The following MROH1 variants were observed in gnomAD, a reference collection of about 807,000 sequenced individuals.
The protein encoded by MROH1 is maestro heat like repeat family member 1.
MROH1 carries 117 observed loss-of-function variants against 116.5 expected under a neutral mutation model. The ratio of observed to expected loss-of-function variants is 1.00; its 90% CI spans 0.86 to 1.17. The LOEUF is 1.17. Among genes scored for constraint, MROH1 ranks in the 50% most tolerant of loss-of-function variants. The pLI is 0.00. For missense variants in MROH1, 1,873 were observed against 1,338.5 expected (o/e 1.40, Z -6.23); for synonymous variants, 921 against 583.9 (o/e 1.58, Z -8.32).
At chr8:144,232,241 C>G (rs1217234471) in intron 14 of MROH1, among the ~76,000 whole-genome samples, 6 of 152,190 alleles carry the variant, frequency 3.9e-5, no homozygotes, top group African/African-American at 1.4e-4. Context: ...CCAGCCTACT[C>G]TCTGTCTCCA....
chr8:144,210,105 A>G, intron 12 of MROH1, among the ~76,000 whole-genome samples: 1 of 151,620 alleles, frequency 6.6e-6, no homozygotes, highest in East Asian at 1.9e-4. Context: ...CCTGATTTTT[A>G]TAGTAATCAC....
chr8:144,261,452 A>G, intron 43 of MROH1, 103 bp downstream of exon 43: 1 of 699,102 alleles, frequency 1.4e-6, no homozygotes, highest in Non-Finnish European at 2.6e-6. Context: ...TTTCCCTGTC[A>G]CTGGTGACCT....
intron 2 of MROH1, among the ~76,000 whole-genome samples, chr8:144,162,500 A>G (rs1819795900): frequency 6.6e-6 from 1 of 151,284 alleles, no homozygotes; most frequent in Admixed American, 6.6e-5. Context: ...GGTTCAAGCA[A>G]TTCTCCCACC....
chr8:144,179,420 CACCTGGGACCG>C (rs773376163), intron 4 of MROH1, 24 bp from the exon 5 acceptor site: 2 of 1,607,564 alleles, frequency 1.2e-6, no homozygotes, highest in East Asian at 4.5e-5. Context: ...GTGTGGGGCT[CACCTGGGACCG>C]ACCTGGACGG....
chr8:144,190,248 C>A (rs994499299), intron 7 of MROH1, among the ~76,000 whole-genome samples: 1 of 152,200 alleles, frequency 6.6e-6, no homozygotes, highest in Non-Finnish European at 1.5e-5. Flanking sequence ...TCACATCTGG[C>A]CAGGCGCGGT....
At chr8:144,193,828 C>T (rs1029697826) in intron 10 of MROH1, among the ~76,000 whole-genome samples, 21 of 151,884 alleles carry the variant, frequency 1.4e-4, no homozygotes, top group Non-Finnish European at 1.0e-4. Context: ...AGGCTGATCT[C>T]GAACTCCTGA....
In MROH1 at chr8:144,234,498, G is replaced by GTTTTTTTTTT. The variant is rs1165164431; in HGVS notation, c.1339-4231_1339-4222dup. Among the ~76,000 whole-genome samples, 43 of 18,100 alleles carry GTTTTTTTTTT rather than the reference G, an allele frequency of 2.4e-3. 20 individuals carry two copies. The highest frequency in any genetic ancestry group is 3.9e-3 in the Non-Finnish European group (32 of 8,118). The allele number at this position is 18,100 out of a possible 152,430, so 11.9% of individuals were successfully genotyped here. On this transcript the variant is annotated intron_variant, in intron 14 of 43. Coordinates refer to ENST00000326134, the MANE Select transcript of MROH1 (RefSeq NM_032450.3). ...AATGGAATTATTTTCTTTCTTTTTCGTTTTTTTTTTTTTTTTTTTTTTTTT... is the reference window on the plus strand; with the variant it reads ...AATGGAATTATTTTCTTTCTTTTTCGTTTTTTTTTTTTTTTTTTTTTTTTTTTTTTTTTTT...
intron 14 of MROH1, among the ~76,000 whole-genome samples, chr8:144,225,022 T>C (rs1837524542): frequency 6.6e-6 from 1 of 152,210 alleles, no homozygotes; most frequent in Non-Finnish European, 1.5e-5. Context: ...TTTTTTTTTT[T>C]CCATTTAAAT....
At chr8:144,191,590 G>T in intron 8 of MROH1, 125 bp from the exon 9 acceptor site, 8 of 1,309,188 alleles carry the variant, frequency 6.1e-6, no homozygotes, top group Non-Finnish European at 8.3e-6. Flanking sequence ...TCACGTCCCA[G>T]CCCCCGTAGC....
chr8:144,253,298 G>A (rs1843150400), intron 33 of MROH1, among the ~76,000 whole-genome samples: 1 of 152,246 alleles, frequency 6.6e-6, no homozygotes. Context: ...CCTGATTCCA[G>A]TGTCCATGAG....
chr8:144,258,716 TAATC>T (rs1844400409), intron 35 of MROH1, 57 bp from the exon 36 acceptor site: 6 of 718,972 alleles, frequency 8.3e-6, no homozygotes, highest in African/African-American at 1.7e-5. Flanking sequence ...CCTGAGGAGT[TAATC>T]AGGAAGGGAG....
intron 21 of MROH1, 24 bp from the exon 22 acceptor site, chr8:144,241,371 C>T (rs952709649): frequency 1.3e-5 from 10 of 760,044 alleles, no homozygotes; most frequent in Non-Finnish European, 2.2e-5. Context: ...CTTCCCTGCC[C>T]GGGGTAAGTG....
At chr8:144,246,065 C>CTCCTTCCTT (rs1262040590) in intron 29 of MROH1, among the ~76,000 whole-genome samples, 2,954 of 125,630 alleles carry the variant, frequency 0.024, 61 homozygotes, top group Middle Eastern at 0.041. Context: ...CCCTCCCTTC[C>CTCCTTCCTT]TCCTTCCTTT....
chr8:144,176,385 A>AG (rs1265146717), intron 4 of MROH1, among the ~76,000 whole-genome samples: 1 of 149,916 alleles, frequency 6.7e-6, no homozygotes, highest in Non-Finnish European at 1.5e-5. Flanking sequence ...AAAAAAAAAA[A>AG]ATTAGCTGAG....
chr8:144,176,203 C>T (rs1298499282), intron 4 of MROH1, among the ~76,000 whole-genome samples: 1 of 151,584 alleles, frequency 6.6e-6, no homozygotes, highest in Non-Finnish European at 1.5e-5. Flanking sequence ...CTCATTTCTA[C>T]TGAAAATACA....
At chr8:144,193,171 C>T (rs1829059496) in intron 10 of MROH1, 1 of 158,362 alleles carries the variant, frequency 6.3e-6, no homozygotes. Context: ...AGCTAGTAAA[C>T]ATAATGTAAG....
At chr8:144,249,547 C>T (rs983899359) in intron 32 of MROH1, among the ~76,000 whole-genome samples, 36 of 152,192 alleles carry the variant, frequency 2.4e-4, no homozygotes, top group African/African-American at 7.9e-4. Context: ...GGAGCCCCCT[C>T]GTGACAAGGC....
chr8:144,243,832 A>G lies in MROH1; in HGVS notation c.2476-31A>G. 3.9e-6 allele frequency: 3 copies of G among 770,668 alleles called. No homozygotes were observed. In the South Asian group the frequency reaches 4.1e-5, roughly 11 times the overall value. 47.7% of individuals were successfully genotyped at this position (770,668 alleles called of 1,614,324 possible). ...AGGGAGGAGAGCTGGCGTTTCCTCC[A>G]AGGGCTGAGTCATGCACCTGCCTCA... On this transcript the variant is annotated intron_variant, in intron 25 of 43. Transcript: ENST00000326134.
intron 4 of MROH1, chr8:144,175,519 G>A (rs773458380): frequency 8.1e-6 from 8 of 985,334 alleles, no homozygotes; most frequent in African/African-American, 3.5e-5. Flanking sequence ...GTGCTGCCCC[G>A]GCAGTTAATC....
Sources: allele counts gnomAD v4.1 joint callset (sites outside exome capture counted in the v4.1 genomes callset), GRCh38; gene constraint gnomAD v4.1.1; transcripts MANE v1.5; gene names NCBI Gene and HGNC (gene_info 2026-07-23, HGNC 2026-07-21).